TENM3: variants seen among roughly 807,000 people sequenced by gnomAD.
TENM3 encodes teneurin-3.
In TENM3, 63 loss-of-function variants were observed where a neutral mutation model predicts 255.1. That is an observed-to-expected ratio of 0.25 (90% CI 0.20 to 0.30). TENM3 has a LOEUF of 0.30. TENM3 is among the 10% of genes least tolerant of loss of function. The pLI is 1.00. For synonymous variants in TENM3, 1,306 were observed against 1,322.3 expected, an observed-to-expected ratio of 0.99 and a Z score of 0.27; for missense variants, 2,929 against 3,461.1, an observed-to-expected ratio of 0.85 and a Z score of 3.86.
chr4:182,693,198 T>A (rs963865799), intron 12 of TENM3, among the ~76,000 whole-genome samples: 2 of 152,194 alleles, frequency 1.3e-5, no homozygotes, highest in African/African-American at 4.8e-5. Flanking sequence ...TTATTGAACA[T>A]CTCTTCTGTG....
the TENM3 span, among the ~76,000 whole-genome samples, chr4:181,867,885 A>G: frequency 1.3e-5 from 2 of 152,152 alleles, no homozygotes; most frequent in Admixed American, 1.3e-4. Flanking sequence ...GCTAATGTTT[A>G]TGCCTCCATT....
the TENM3 span, among the ~76,000 whole-genome samples, chr4:181,714,579 G>A: frequency 1.3e-5 from 2 of 152,184 alleles, no homozygotes; most frequent in African/African-American, 4.8e-5. Flanking sequence ...AGCCAACCTT[G>A]TGTCTGTGAC....
chr4:181,903,743 T>C, the TENM3 span, among the ~76,000 whole-genome samples: 36 of 152,304 alleles, frequency 2.4e-4, no homozygotes, highest in East Asian at 1.6e-3. Flanking sequence ...AAGATTTGAA[T>C]GCAACCTGGG....
the TENM3 span, among the ~76,000 whole-genome samples, chr4:181,678,133 G>C: frequency 1.3e-5 from 2 of 152,166 alleles, no homozygotes; most frequent in Admixed American, 1.3e-4. Flanking sequence ...TGGTGAACAA[G>C]AGACAAGTTC....
chr4:181,753,399 C>T, the TENM3 span, among the ~76,000 whole-genome samples: 7 of 152,176 alleles, frequency 4.6e-5, no homozygotes, highest in African/African-American at 1.7e-4. Context: ...TAACTCAAAA[C>T]AGGCAGGCAG....
chr4:182,553,378 C>G (rs1742255291), intron 3 of TENM3, among the ~76,000 whole-genome samples: 1 of 100,514 alleles, frequency 9.9e-6, no homozygotes. Context: ...TGGAGCCTGT[C>G]GTGGGGTGGG....
At chr4:181,922,011 G>A in the TENM3 span, among the ~76,000 whole-genome samples, 1 of 152,040 alleles carries the variant, frequency 6.6e-6, no homozygotes, top group Admixed American at 6.5e-5. Context: ...TTTGTCTTTG[G>A]TTCTGTTTAT....
At chr4:181,826,648 G>A in the TENM3 span, among the ~76,000 whole-genome samples, 136 of 152,250 alleles carry the variant, frequency 8.9e-4, no homozygotes, top group African/African-American at 2.2e-3. Flanking sequence ...GGCAACCAGC[G>A]TTTTGTTGAT....
At chr4:182,207,082 G>A (rs185097623) in intron 1 of TENM3, among the ~76,000 whole-genome samples, 230 of 152,242 alleles carry the variant, frequency 1.5e-3, no homozygotes, top group Non-Finnish European at 1.8e-3. Context: ...GAACCCAGCA[G>A]GGCAAATTAA....
the TENM3 span, among the ~76,000 whole-genome samples, chr4:182,069,476 C>T: frequency 3.7e-4 from 57 of 152,234 alleles, no homozygotes; most frequent in African/African-American, 1.3e-3. Flanking sequence ...CCCCTTCTAC[C>T]ATATATCACT....
At chr4:181,790,884 G>T in the TENM3 span, among the ~76,000 whole-genome samples, 1 of 152,136 alleles carries the variant, frequency 6.6e-6, no homozygotes, top group Non-Finnish European at 1.5e-5. Context: ...GCTTACCTTT[G>T]CCTGCTTACT....
At chr4:182,012,323 C>T in the TENM3 span, among the ~76,000 whole-genome samples, 8 of 152,308 alleles carry the variant, frequency 5.3e-5, no homozygotes, top group South Asian at 2.1e-4. Flanking sequence ...CTTCCATACA[C>T]AAATCTTCAC....
chr4:181,551,912 T>C, the TENM3 span, among the ~76,000 whole-genome samples: 1 of 148,012 alleles, frequency 6.8e-6, no homozygotes, highest in Non-Finnish European at 1.5e-5. Flanking sequence ...CCTGTATTCT[T>C]TCCAGCAAAT....
the TENM3 span, among the ~76,000 whole-genome samples, chr4:181,550,092 A>G: frequency 6.6e-6 from 1 of 152,220 alleles, no homozygotes; most frequent in Non-Finnish European, 1.5e-5. Context: ...GTGGTAACCT[A>G]AACAAAAGAG....
At chr4:182,698,605 C>T (rs1757611779) in intron 12 of TENM3, among the ~76,000 whole-genome samples, 1 of 152,162 alleles carries the variant, frequency 6.6e-6, no homozygotes, top group Non-Finnish European at 1.5e-5. Flanking sequence ...ATTTATTTTC[C>T]ACTAAAGAAT....
chr4:181,554,761 C>G, the TENM3 span, among the ~76,000 whole-genome samples: 22 of 152,292 alleles, frequency 1.4e-4, no homozygotes, highest in Non-Finnish European at 2.4e-4. Flanking sequence ...AAGTTGACAA[C>G]CTGTTAAATA....
chr4:181,694,600 C>T, the TENM3 span, among the ~76,000 whole-genome samples: 4 of 152,082 alleles, frequency 2.6e-5, no homozygotes, highest in African/African-American at 7.2e-5. Context: ...TTATACAGGA[C>T]GAATATCACA....
the TENM3 span, among the ~76,000 whole-genome samples, chr4:181,847,248 T>A: frequency 6.6e-6 from 1 of 152,330 alleles, no homozygotes; most frequent in Non-Finnish European, 1.5e-5. Flanking sequence ...CACCTAAACC[T>A]TTAGCATTAA....
At chr4:182,076,217 T>C in the TENM3 span, among the ~76,000 whole-genome samples, 27,018 of 85,692 alleles carry the variant, frequency 0.32, 2,476 homozygotes, top group Middle Eastern at 0.36. Flanking sequence ...CTTCTTCTTT[T>C]TTTTTTTTTT....
Sources: gnomAD v4.1 joint callset for allele counts (sites outside exome capture counted in the v4.1 genomes callset) on GRCh38, gnomAD v4.1.1 for gene constraint, MANE v1.5 for transcripts, NCBI Gene and HGNC (gene_info 2026-07-23, HGNC 2026-07-21) for gene names.